MSRA: variants seen among roughly 807,000 people sequenced by gnomAD.
MSRA encodes the protein methionine sulfoxide reductase A.
MSRA carries 54 observed loss-of-function variants against 31.3 expected under a neutral mutation model. The observed-to-expected ratio is 1.73, with a 90% CI of 1.39 to 2.17. The LOEUF is 2.17. Ranked by LOEUF, MSRA falls within the 30% of genes most tolerant of loss-of-function variation. The pLI is 0.00. For synonymous variants in MSRA, 169 were observed against 116.5 expected (o/e 1.45, Z -2.90); for missense variants, 507 against 300.9 (o/e 1.69, Z -5.07).
chr8:10,390,020 G>T (rs1303702526), intron 5 of MSRA, among the ~76,000 whole-genome samples: 1 of 152,020 alleles, frequency 6.6e-6, no homozygotes. Flanking sequence ...CTCTGCTTCT[G>T]CCTCACCCGA....
At chr8:10,359,391 A>G (rs957369426) in intron 5 of MSRA, among the ~76,000 whole-genome samples, 3 of 151,908 alleles carry the variant, frequency 2.0e-5, no homozygotes, top group African/African-American at 7.3e-5. Flanking sequence ...TTTAGTTTTC[A>G]TCTCTGACAT....
chr8:10,230,597 A>G (rs1247404976), intron 2 of MSRA, among the ~76,000 whole-genome samples: 1 of 152,334 alleles, frequency 6.6e-6, no homozygotes, highest in East Asian at 1.9e-4. Context: ...TTTCTTCCAG[A>G]CTATCTGTCA....
chr8:10,253,090 C>T (rs540926553), intron 3 of MSRA, among the ~76,000 whole-genome samples: 5 of 152,178 alleles, frequency 3.3e-5, no homozygotes, highest in African/African-American at 1.2e-4. Flanking sequence ...TCTATAGCTT[C>T]AAATAACTGA....
intron 3 of MSRA, among the ~76,000 whole-genome samples, chr8:10,284,081 T>G (rs1374199423): frequency 6.6e-6 from 1 of 151,986 alleles, no homozygotes; most frequent in East Asian, 1.9e-4. Flanking sequence ...CTCCACACTG[T>G]TTTCCATAGT....
intron 5 of MSRA, among the ~76,000 whole-genome samples, chr8:10,342,269 A>T (rs1482562427): frequency 9.9e-5 from 15 of 151,802 alleles, no homozygotes; most frequent in Admixed American, 9.9e-4. Flanking sequence ...ATTATTGAGG[A>T]CCCCAATGAG....
chr8:10,402,397 C>T (rs532104946), intron 5 of MSRA, among the ~76,000 whole-genome samples: 20 of 152,248 alleles, frequency 1.3e-4, no homozygotes, highest in Admixed American at 9.8e-4. Context: ...CGACAGCCAG[C>T]AGCTGCTTTC....
intron 5 of MSRA, among the ~76,000 whole-genome samples, chr8:10,326,847 T>C (rs1307605357): frequency 6.6e-6 from 1 of 152,218 alleles, no homozygotes; most frequent in Non-Finnish European, 1.5e-5. Context: ...CCCAGTATCC[T>C]AAACTGAATG....
chr8:10,303,422 G>A (rs978764098), intron 4 of MSRA, among the ~76,000 whole-genome samples: 1 of 152,196 alleles, frequency 6.6e-6, no homozygotes, highest in Non-Finnish European at 1.5e-5. Context: ...TCACCTCTCT[G>A]TTCATCATTT....
chr8:10,204,972 T>G (rs2129058776), intron 1 of MSRA, among the ~76,000 whole-genome samples: 1 of 152,078 alleles, frequency 6.6e-6, no homozygotes, highest in East Asian at 1.9e-4. Flanking sequence ...CTTGGGTGAG[T>G]GCTGCAGAGG....
chr8:10,352,414 C>T (rs1232243228), intron 5 of MSRA, among the ~76,000 whole-genome samples: 2 of 152,084 alleles, frequency 1.3e-5, no homozygotes, highest in South Asian at 4.2e-4. Flanking sequence ...ACTACAAGTT[C>T]AGCTTGGGGC....
At chr8:10,339,033 T>C (rs1315294342) in intron 5 of MSRA, among the ~76,000 whole-genome samples, 2 of 152,202 alleles carry the variant, frequency 1.3e-5, no homozygotes, top group Non-Finnish European at 2.9e-5. Context: ...TGGCATTTTA[T>C]TCTTTTCCAT....
At chr8:10,241,266 T>C (rs957463697) in intron 2 of MSRA, among the ~76,000 whole-genome samples, 1 of 152,040 alleles carries the variant, frequency 6.6e-6, no homozygotes, top group Non-Finnish European at 1.5e-5. Context: ...GTAGGAAATG[T>C]GCAAGGTGAG....
At chr8:10,189,794 T>C (rs529101310) in intron 1 of MSRA, among the ~76,000 whole-genome samples, 1 of 152,296 alleles carries the variant, frequency 6.6e-6, no homozygotes, top group Admixed American at 6.5e-5. Context: ...AGTTTTCTTG[T>C]GTCTTTGTCT....
intron 5 of MSRA, among the ~76,000 whole-genome samples, chr8:10,381,497 G>A (rs956136087): frequency 9.9e-5 from 15 of 152,266 alleles, no homozygotes; most frequent in African/African-American, 3.4e-4. Flanking sequence ...GGAGCTGGGT[G>A]TACCCTACGG....
At chr8:10,259,341 C>A (rs186199914) in intron 3 of MSRA, among the ~76,000 whole-genome samples, 1 of 152,100 alleles carries the variant, frequency 6.6e-6, no homozygotes, top group African/African-American at 2.4e-5. Context: ...CTGGAGTGTT[C>A]TGTAAATATC....
chr8:10,263,158 G>A (rs772966784), intron 3 of MSRA, among the ~76,000 whole-genome samples: 6 of 152,212 alleles, frequency 3.9e-5, no homozygotes, highest in Non-Finnish European at 7.3e-5. Flanking sequence ...CCAGCATTAG[G>A]TTGGGTGTTT....
At chr8:10,097,456 T>C (rs1799235031) in intron 1 of MSRA, among the ~76,000 whole-genome samples, 1 of 152,122 alleles carries the variant, frequency 6.6e-6, no homozygotes, top group African/African-American at 2.4e-5. Flanking sequence ...GATTACAGGA[T>C]CATTCATGCT....
chr8:10,206,925 GTGC>G (rs1233176993), intron 1 of MSRA, among the ~76,000 whole-genome samples: 2 of 152,192 alleles, frequency 1.3e-5, no homozygotes, highest in African/African-American at 4.8e-5. Flanking sequence ...CGTGGCTTCA[GTGC>G]TGAGCCCTTT....
At chr8:10,250,554 C>T (rs182193721) in intron 3 of MSRA, 127 of 687,164 alleles carry the variant, frequency 1.8e-4, no homozygotes, top group African/African-American at 1.6e-3. Context: ...ACAAGCAGCA[C>T]GGGAAATCTG....
Sources: gnomAD v4.1 joint callset for allele counts (sites outside exome capture counted in the v4.1 genomes callset) on GRCh38, gnomAD v4.1.1 for gene constraint, MANE v1.5 for transcripts, NCBI Gene and HGNC (gene_info 2026-07-23, HGNC 2026-07-21) for gene names.